Variants in ENOX2 observed in about 807,000 individuals in gnomAD.
ENOX2 encodes the protein ecto-NOX disulfide-thiol exchanger 2.
In ENOX2, 36 loss-of-function variants were observed where a neutral mutation model predicts 45.0. The ratio of observed to expected loss-of-function variants is 0.80; its 90% confidence interval spans 0.61 to 1.06. The LOEUF is 1.06. Among genes scored for constraint, ENOX2 ranks in the 50% least tolerant of loss-of-function variants. The probability of loss-of-function intolerance (pLI) is 0.00; values close to 1 mark genes in which losing one functional copy is unlikely to be tolerated. For missense variants in ENOX2, 423 were observed against 462.5 expected, an observed-to-expected ratio of 0.91 and a Z score of 0.78; for synonymous variants, 174 against 152.3, an observed-to-expected ratio of 1.14 and a Z score of -1.05.
intron 10 of ENOX2, among the ~76,000 whole-genome samples, chrX:130,643,284 AAAAC>A (rs2036139484): frequency 9.0e-6 from 1 of 111,725 alleles, no homozygotes; most frequent in African/African-American, 3.2e-5. Flanking sequence ...AAAGAAACAA[AAAAC>A]AAGGGTAACC....
At chrX:130,696,862 T>C (rs1292378268) in intron 4 of ENOX2, among the ~76,000 whole-genome samples, 1 of 111,796 alleles carries the variant, frequency 8.9e-6, no homozygotes, top group African/African-American at 3.3e-5. Context: ...GTTTCCCTTT[T>C]TTGTTTTGGC....
chrX:130,890,846 C>T (rs2078973303), intron 2 of ENOX2, among the ~76,000 whole-genome samples: 1 of 113,027 alleles, frequency 8.8e-6, no homozygotes, highest in Admixed American at 9.3e-5. Context: ...CACTTCTACT[C>T]TCTTAGCCTC....
intron 10 of ENOX2, among the ~76,000 whole-genome samples, chrX:130,642,994 T>C (rs1319429587): frequency 9.0e-6 from 1 of 111,482 alleles, no homozygotes. Flanking sequence ...CCTGTATGCA[T>C]TTATGTATGC....
intron 4 of ENOX2, among the ~76,000 whole-genome samples, chrX:130,702,899 C>A (rs775533826): frequency 9.0e-6 from 1 of 111,654 alleles, no homozygotes; most frequent in Non-Finnish European, 1.9e-5. Context: ...CTTCAATGAC[C>A]CTAGCCTGCA....
At chrX:130,857,708 A>T (rs1291391734) in intron 2 of ENOX2, among the ~76,000 whole-genome samples, 1 of 111,519 alleles carries the variant, frequency 9.0e-6, no homozygotes, top group Admixed American at 9.5e-5. Flanking sequence ...TATGACATAG[A>T]TAGAGGATGG....
At chrX:130,819,454 G>C (rs1399482865) in intron 2 of ENOX2, among the ~76,000 whole-genome samples, 3 of 112,123 alleles carry the variant, frequency 2.7e-5, no homozygotes, top group Non-Finnish European at 5.6e-5. Context: ...ATTGACAATA[G>C]CAAAGACTTG....
chrX:130,835,215 G>A (rs1319586889), intron 2 of ENOX2, among the ~76,000 whole-genome samples: 1 of 111,306 alleles, frequency 9.0e-6, no homozygotes, highest in Non-Finnish European at 1.9e-5. Context: ...GGTGGGGGGT[G>A]GAACTGAATG....
chrX:130,808,636 T>C (rs1443995267), intron 2 of ENOX2, among the ~76,000 whole-genome samples: 1 of 112,196 alleles, frequency 8.9e-6, no homozygotes, highest in Non-Finnish European at 1.9e-5. Context: ...GTAACATCTG[T>C]AAAGCTGGCA....
chrX:130,659,758 T>C (rs764167836), intron 9 of ENOX2, among the ~76,000 whole-genome samples: 3 of 112,200 alleles, frequency 2.7e-5, no homozygotes, highest in Non-Finnish European at 5.6e-5. Flanking sequence ...CACATAACCC[T>C]GAGAAAGTTA....
chrX:130,795,775 T>C (rs1433432555), intron 2 of ENOX2, among the ~76,000 whole-genome samples: 1 of 111,869 alleles, frequency 8.9e-6, no homozygotes, highest in South Asian at 3.7e-4. Flanking sequence ...GTCATGTCTA[T>C]GTGCTTCTGC....
At chrX:130,750,231 C>CT (rs1420339714) in intron 3 of ENOX2, among the ~76,000 whole-genome samples, 1 of 111,883 alleles carries the variant, frequency 8.9e-6, no homozygotes, top group African/African-American at 3.2e-5. Context: ...CTTCCTGTCT[C>CT]TGTCAGTATC....
At chrX:130,739,194 A>G (rs1277051652) in intron 3 of ENOX2, among the ~76,000 whole-genome samples, 1 of 112,592 alleles carries the variant, frequency 8.9e-6, no homozygotes, top group African/African-American at 3.2e-5. Context: ...TTCCCGGGCT[A>G]GTGATATTGG....
chrX:130,692,618 T>C (rs2037638804), intron 4 of ENOX2, among the ~76,000 whole-genome samples: 1 of 106,410 alleles, frequency 9.4e-6, no homozygotes, highest in Admixed American at 1.0e-4. Context: ...TCCCGCTCTG[T>C]TGCCCAGGCT....
In ENOX2 at chrX:130,634,982, A is replaced by G. The variant is rs1380138239; in HGVS notation, c.1419+2T>C. ...AAAAAGGTTCACTTAGGGTGCATGTACCTTTTCTTTAAGATTTTCCAACAT... is the reference window on the plus strand; with the variant it reads ...AAAAAGGTTCACTTAGGGTGCATGTGCCTTTTCTTTAAGATTTTCCAACAT... On this transcript the variant is annotated splice_donor_variant, in intron 12 of 14. Coordinates refer to ENST00000394363, the MANE Select transcript of ENOX2 (RefSeq NM_006375.4). LOFTEE classifies it high-confidence loss of function. 9.2e-7 allele frequency: 1 copy of G among 1,087,480 alleles called. No individual in the cohort carries two copies. Among genetic ancestry groups the G allele is most frequent in the Non-Finnish European group, 1.3e-6 (1 of 786,582 alleles). 89.6% of individuals were successfully genotyped at this position (1,087,480 alleles called of 1,213,427 possible). A position where few individuals can be genotyped will look rare whatever the true frequency, so the allele number is the denominator to read the frequency against.
chrX:130,657,454 C>T (rs993425488), intron 9 of ENOX2, among the ~76,000 whole-genome samples: 4 of 111,503 alleles, frequency 3.6e-5, no homozygotes, highest in South Asian at 3.8e-4. Flanking sequence ...GGAGAGTTCA[C>T]GGCAGTTACA....
chrX:130,708,979 CTG>C (rs1388321228), intron 3 of ENOX2, among the ~76,000 whole-genome samples: 1 of 111,799 alleles, frequency 8.9e-6, no homozygotes, highest in East Asian at 2.8e-4. Flanking sequence ...GAAGATAAAT[CTG>C]GGGATGAGAA....
intron 2 of ENOX2, among the ~76,000 whole-genome samples, chrX:130,891,865 A>T (rs1177292938): frequency 1.8e-5 from 2 of 112,060 alleles, no homozygotes; most frequent in African/African-American, 3.2e-5. Context: ...CTGGGTTGAC[A>T]TTTTTTTAAA....
At chrX:130,699,866 T>C (rs984859388) in intron 4 of ENOX2, among the ~76,000 whole-genome samples, 1 of 112,346 alleles carries the variant, frequency 8.9e-6, no homozygotes, top group Non-Finnish European at 1.9e-5. Context: ...TTGTTAAAGG[T>C]AAAGATGAGT....
intron 2 of ENOX2, among the ~76,000 whole-genome samples, chrX:130,813,752 C>T (rs2077431836): frequency 2.7e-5 from 3 of 112,075 alleles, no homozygotes; most frequent in Admixed American, 9.4e-5. Context: ...CTTCACAACC[C>T]GCAGACAAAA....
Sources: gnomAD v4.1 joint callset for allele counts (sites outside exome capture counted in the v4.1 genomes callset) on GRCh38, gnomAD v4.1.1 for gene constraint, MANE v1.5 for transcripts, NCBI Gene and HGNC (gene_info 2026-07-23, HGNC 2026-07-21) for gene names.